The following TENT5D variants were observed in gnomAD, a reference collection of about 807,000 sequenced individuals.
The protein encoded by TENT5D is terminal nucleotidyltransferase 5D, also known as cancer/testis antigen 112.
For missense variants in TENT5D, 191 were observed against 287.0 expected, an observed-to-expected ratio of 0.67 and a Z score of 2.42; for synonymous variants, 103 against 100.6, an observed-to-expected ratio of 1.02 and a Z score of -0.15.
chrX:80,413,037 A>G (rs1239229684), intron 3 of TENT5D, among the ~76,000 whole-genome samples: 3 of 111,438 alleles, frequency 2.7e-5, no homozygotes, highest in Non-Finnish European at 5.6e-5. Flanking sequence ...AAACAAAGAT[A>G]ATTCTCTTTT....
intron 3 of TENT5D, among the ~76,000 whole-genome samples, chrX:80,393,136 G>A (rs912391700): frequency 9.1e-6 from 1 of 110,085 alleles, no homozygotes; most frequent in Non-Finnish European, 1.9e-5. Context: ...AATGTGTCTC[G>A]GTGTGTGTAT....
intron 2 of TENT5D, among the ~76,000 whole-genome samples, chrX:80,337,147 TAAAGTA>T (rs1256703148): frequency 1.8e-5 from 2 of 111,762 alleles, no homozygotes; most frequent in African/African-American, 6.5e-5. Context: ...ACAAATCTGT[TAAAGTA>T]AAACTTTTTA....
At chrX:80,407,877 A>T (rs1470963946) in intron 3 of TENT5D, among the ~76,000 whole-genome samples, 1 of 109,717 alleles carries the variant, frequency 9.1e-6, no homozygotes, top group Non-Finnish European at 1.9e-5. Context: ...CAAATGTAAA[A>T]GAACAGAAAT....
At chrX:80,345,443 A>C (rs776370493) in intron 3 of TENT5D, among the ~76,000 whole-genome samples, 1 of 111,322 alleles carries the variant, frequency 9.0e-6, no homozygotes. Context: ...AGTGCAGACT[A>C]TTTGACCTGA....
At chrX:80,347,507 T>C (rs1930087420) in intron 3 of TENT5D, among the ~76,000 whole-genome samples, 1 of 112,183 alleles carries the variant, frequency 8.9e-6, no homozygotes, top group Non-Finnish European at 1.9e-5. Flanking sequence ...TGCCCACTTT[T>C]TGATGGGGTT....
intron 3 of TENT5D, among the ~76,000 whole-genome samples, chrX:80,399,937 G>A (rs1931360791): frequency 8.9e-6 from 1 of 111,816 alleles, no homozygotes; most frequent in African/African-American, 3.3e-5. Flanking sequence ...CAGAGAGACA[G>A]AAGCAATAAG....
At chrX:80,344,597 G>A (rs925393456) in intron 3 of TENT5D, among the ~76,000 whole-genome samples, 1 of 109,544 alleles carries the variant, frequency 9.1e-6, no homozygotes, top group Non-Finnish European at 1.9e-5. Flanking sequence ...TCATATATGT[G>A]TCTTCTTTTT....
At chrX:80,374,713 T>C (rs1930692525) in intron 3 of TENT5D, among the ~76,000 whole-genome samples, 1 of 111,592 alleles carries the variant, frequency 9.0e-6, no homozygotes, top group African/African-American at 3.2e-5. Context: ...TCAGAAACTT[T>C]AGGTCTCCCT....
intron 3 of TENT5D, among the ~76,000 whole-genome samples, chrX:80,390,692 G>T (rs951334566): frequency 9.0e-6 from 1 of 111,162 alleles, no homozygotes; most frequent in African/African-American, 3.3e-5. Flanking sequence ...TGCTCAGAGA[G>T]TAGAGTACTG....
At position 80,412,184 on chromosome X, in the gene TENT5D, G is replaced by A. The variant is rs371842176; in HGVS notation, c.-141-26426G>A. On this transcript the variant is annotated intron_variant, in intron 3 of 4. Transcript: ENST00000538312. ...GAGTCACAGCTCGAGCTGTACGTTG[G>A]CCCCTTTCAGCCATGGCTGGGGAGC... is the stretch of plus-strand genomic sequence containing the variant. Among the ~76,000 whole-genome samples the A allele has an allele frequency of 5.1e-4, 57 of 112,813 alleles. 1 individual carries two copies. Among genetic ancestry groups the A allele is most frequent in the East Asian group, 5.1e-3 (18 of 3,563 alleles).
chrX:80,376,223 A>T (rs1930723939), intron 3 of TENT5D, among the ~76,000 whole-genome samples: 1 of 111,384 alleles, frequency 9.0e-6, no homozygotes, highest in African/African-American at 3.3e-5. Flanking sequence ...CTGAATTTTA[A>T]ATCTTTTTTT....
chrX:80,390,911 A>G (rs1486325326), intron 3 of TENT5D, among the ~76,000 whole-genome samples: 2 of 112,024 alleles, frequency 1.8e-5, no homozygotes, highest in Admixed American at 9.5e-5. Context: ...CAATATAGAA[A>G]CAAATATAAT....
chrX:80,366,920 T>C (rs1930522162), intron 3 of TENT5D, among the ~76,000 whole-genome samples: 1 of 111,648 alleles, frequency 9.0e-6, no homozygotes, highest in African/African-American at 3.2e-5. Context: ...TTACATAATA[T>C]GTTATCTCAT....
chrX:80,378,419 G>T (rs768480318), intron 3 of TENT5D, among the ~76,000 whole-genome samples: 73 of 111,352 alleles, frequency 6.6e-4, no homozygotes, highest in Non-Finnish European at 1.1e-3. Context: ...TTGTATAAGG[G>T]GTAAGGAAGG....
intron 1 of TENT5D, among the ~76,000 whole-genome samples, chrX:80,431,863 G>C (rs1475143442): frequency 9.0e-6 from 1 of 111,418 alleles, no homozygotes; most frequent in Non-Finnish European, 1.9e-5. Context: ...GGAAGTGCTG[G>C]CTTCTCACAT....
intron 3 of TENT5D, among the ~76,000 whole-genome samples, chrX:80,365,569 G>T (rs1415922897): frequency 9.0e-6 from 1 of 111,171 alleles, no homozygotes; most frequent in Non-Finnish European, 1.9e-5. Context: ...GGCCAAGCTC[G>T]GTGGCTTATG....
intron 2 of TENT5D, among the ~76,000 whole-genome samples, chrX:80,337,036 A>G (rs552352326): frequency 8.9e-6 from 1 of 112,041 alleles, no homozygotes; most frequent in East Asian, 2.8e-4. Context: ...TCTTAAAGCG[A>G]GGTTTATATT....
At chrX:80,369,827 G>T (rs925093642) in intron 3 of TENT5D, among the ~76,000 whole-genome samples, 4 of 111,994 alleles carry the variant, frequency 3.6e-5, no homozygotes, top group African/African-American at 1.3e-4. Context: ...TATGGATTTT[G>T]ATATCTGTAG....
chrX:80,396,277 C>CT (rs1301024969), intron 3 of TENT5D, among the ~76,000 whole-genome samples: 16 of 106,835 alleles, frequency 1.5e-4, no homozygotes, highest in South Asian at 8.1e-4. Flanking sequence ...TACTGTTTTT[C>CT]TTTTTTTTTT....
Sources: allele counts gnomAD v4.1 joint callset (sites outside exome capture counted in the v4.1 genomes callset), GRCh38; gene constraint gnomAD v4.1.1; transcripts MANE v1.5; gene names NCBI Gene and HGNC (gene_info 2026-07-23, HGNC 2026-07-21).